Variants in GPC5 observed in about 807,000 individuals in gnomAD.
The protein encoded by GPC5 is glypican-5.
Under a neutral mutation model 53.9 loss-of-function variants are expected in GPC5, and 47 were observed. That is an observed-to-expected ratio of 0.87 (90% confidence interval 0.69 to 1.11). GPC5 has a LOEUF of 1.11. GPC5 is among the 50% of genes most tolerant of loss of function. The pLI is 0.00. For missense variants in GPC5, 748 were observed against 713.1 expected, an observed-to-expected ratio of 1.05 and a Z score of -0.56; for synonymous variants, 286 against 263.3, an observed-to-expected ratio of 1.09 and a Z score of -0.84.
intron 5 of GPC5, among the ~76,000 whole-genome samples, chr13:91,800,377 A>C (rs1327247847): frequency 3.3e-5 from 5 of 152,080 alleles, no homozygotes; most frequent in Non-Finnish European, 1.5e-5. Flanking sequence ...GTGTCTTTCC[A>C]CATAAAGAAA....
chr13:92,189,018 G>A (rs1004170205), intron 7 of GPC5, among the ~76,000 whole-genome samples: 1 of 152,126 alleles, frequency 6.6e-6, no homozygotes. Context: ...ACTGGTGTAG[G>A]GGGAGGATAA....
At chr13:92,741,757 C>T (rs1211212872) in intron 7 of GPC5, among the ~76,000 whole-genome samples, 1 of 152,056 alleles carries the variant, frequency 6.6e-6, no homozygotes, top group Non-Finnish European at 1.5e-5. Flanking sequence ...CCACAGCAGG[C>T]CCCGGTGTGT....
intron 7 of GPC5, among the ~76,000 whole-genome samples, chr13:92,753,698 G>A (rs999436074): frequency 5.3e-5 from 8 of 152,140 alleles, no homozygotes; most frequent in Non-Finnish European, 1.0e-4. Context: ...AACCTCAGGA[G>A]CCGATGCGAT....
chr13:91,673,973 G>A (rs777839316), intron 2 of GPC5, among the ~76,000 whole-genome samples: 6 of 151,916 alleles, frequency 3.9e-5, no homozygotes, highest in South Asian at 2.1e-4. Flanking sequence ...AAATCCATTC[G>A]TCTACTAACA....
In GPC5 at chr13:92,031,828, A is replaced by T. The variant is rs868095056; in HGVS notation, c.1402-113002A>T. On this transcript the variant is annotated intron_variant, in intron 6 of 7. Transcript: ENST00000377067. ...ATATAATATATTACATATTATATAT[A>T]ATATATAATATATTACATATTATAT... 1.6e-4 allele frequency among the ~76,000 whole-genome samples: 17 copies of T among 106,314 alleles called. 1 individual carries two copies. Among genetic ancestry groups the T allele is most frequent in the Admixed American group, 2.8e-4 (2 of 7,086 alleles). The allele number at this position is 106,314 out of a possible 152,430, so 69.7% of individuals were successfully genotyped here. A position where few individuals can be genotyped will look rare whatever the true frequency, so the allele number is the denominator to read the frequency against.
At chr13:92,444,223 A>G (rs1877699111) in intron 7 of GPC5, among the ~76,000 whole-genome samples, 1 of 152,178 alleles carries the variant, frequency 6.6e-6, no homozygotes. Flanking sequence ...TATTGTCTGG[A>G]AGAGGGATAT....
intron 7 of GPC5, among the ~76,000 whole-genome samples, chr13:92,670,743 C>G (rs1314933060): frequency 6.6e-6 from 1 of 152,180 alleles, no homozygotes; most frequent in Admixed American, 6.5e-5. Flanking sequence ...GTGTCCAGTC[C>G]TATCTCTTGT....
At chr13:91,767,150 CTTTTA>C (rs1413554869) in intron 5 of GPC5, among the ~76,000 whole-genome samples, 2 of 152,144 alleles carry the variant, frequency 1.3e-5, no homozygotes, top group African/African-American at 4.8e-5. Flanking sequence ...AGTGAAGTTT[CTTTTA>C]TGAGTTAATA....
chr13:92,752,972 C>A (rs1874657581), intron 7 of GPC5, among the ~76,000 whole-genome samples: 1 of 152,198 alleles, frequency 6.6e-6, no homozygotes, highest in African/African-American at 2.4e-5. Flanking sequence ...GAAGCTCGAA[C>A]TGGGTGGAGC....
intron 7 of GPC5, among the ~76,000 whole-genome samples, chr13:92,663,053 G>A (rs995835513): frequency 5.9e-5 from 9 of 152,182 alleles, no homozygotes; most frequent in Admixed American, 2.0e-4. Flanking sequence ...AAATAGACAT[G>A]CAAGCCAACA....
intron 7 of GPC5, among the ~76,000 whole-genome samples, chr13:92,623,076 G>A (rs544555295): frequency 3.7e-4 from 57 of 152,116 alleles, no homozygotes; most frequent in African/African-American, 1.3e-3. Context: ...TGTGGTGGGA[G>A]GATGGCTTGA....
chr13:92,365,556 A>G (rs1039428678), intron 7 of GPC5, among the ~76,000 whole-genome samples: 2 of 151,764 alleles, frequency 1.3e-5, no homozygotes, highest in Admixed American at 1.3e-4. Flanking sequence ...GACTCTTGTT[A>G]TAACACTTGG....
chr13:92,796,278 C>T (rs553509249), intron 7 of GPC5, among the ~76,000 whole-genome samples: 5 of 152,062 alleles, frequency 3.3e-5, no homozygotes, highest in South Asian at 2.1e-4. Context: ...AACCAAATAC[C>T]GCATGTTCTC....
rs561931998 is a variant in GPC5 at position 92,222,532 on chromosome 13, G to A, written c.1561+77543G>A. Among the ~76,000 whole-genome samples, 6 of 152,206 alleles carry A rather than the reference G, an allele frequency of 3.9e-5. No individual in the cohort carries two copies. The South Asian group carries it at 1.0e-3, about 26-fold the overall frequency. ...GAAAACTAAGAAGTGAAGCAAGTTC[G>A]CACAGACACAAAACAATTTCTTCTA... On this transcript the variant is annotated intron_variant, in intron 7 of 7. Coordinates refer to ENST00000377067, the MANE Select transcript of GPC5 (RefSeq NM_004466.6).
rs995460825 is a variant in GPC5, at chr13:92,007,545, T to C, written c.1401+99488T>C. ...GTGAAGAGCTACTCCAGCATCCTTATGATTCGTTTGTCACCAATATTAATA... is the reference window on the plus strand; with the variant it reads ...GTGAAGAGCTACTCCAGCATCCTTACGATTCGTTTGTCACCAATATTAATA... On this transcript the variant is annotated intron_variant, in intron 6 of 7. Transcript: ENST00000377067. 7.9e-5 allele frequency among the ~76,000 whole-genome samples: 12 copies of C among 152,334 alleles called. No individual in the cohort carries two copies. The South Asian group carries it at 2.3e-3, about 29-fold the overall frequency.
Position 92,070,245 on chromosome 13 carries a change from A to G in GPC5, c.1402-74585A>G, listed in dbSNP as rs547466774. The stretch of plus-strand genomic sequence containing the variant: ...ACACAAGGAACTAAGTGTGGCTAAC[A>G]ATCTGAATAAACTTGGAAGCAGACC... On this transcript the variant is annotated intron_variant, in intron 6 of 7. Transcript: ENST00000377067. Among the ~76,000 whole-genome samples, 234 of 152,326 alleles carry G rather than the reference A, an allele frequency of 1.5e-3. 1 individual carries two copies. Among genetic ancestry groups the G allele is most frequent in the African/African-American group, 5.1e-3 (214 of 41,572 alleles).
intron 7 of GPC5, among the ~76,000 whole-genome samples, chr13:92,739,775 A>T (rs910633652): frequency 1.3e-5 from 2 of 152,042 alleles, no homozygotes; most frequent in Non-Finnish European, 1.5e-5. Flanking sequence ...CAAATTGAAA[A>T]AAGAATAGTC....
intron 5 of GPC5, among the ~76,000 whole-genome samples, chr13:91,803,781 G>C (rs2026970): frequency 0.34 from 50,244 of 147,094 alleles, 9,513 homozygotes; most frequent in East Asian, 0.63. Context: ...CAGACAGACA[G>C]ACACACACAC....
At chr13:91,583,242 A>T (rs1050121699) in intron 2 of GPC5, among the ~76,000 whole-genome samples, 2 of 152,180 alleles carry the variant, frequency 1.3e-5, no homozygotes, top group African/African-American at 4.8e-5. Flanking sequence ...AAATAAAAGG[A>T]ATATAGTTGG....
Sources: allele counts gnomAD v4.1 joint callset (sites outside exome capture counted in the v4.1 genomes callset), GRCh38; gene constraint gnomAD v4.1.1; transcripts MANE v1.5; gene names NCBI Gene and HGNC (gene_info 2026-07-23, HGNC 2026-07-21).